The following CAST variants were observed in gnomAD, a reference collection of about 807,000 sequenced individuals.
CAST encodes calpastatin, also known as MIR583 host.
In CAST, 76 loss-of-function variants were observed where a neutral mutation model predicts 119.6. The ratio of observed to expected loss-of-function variants is 0.64; its 90% CI spans 0.53 to 0.77. The LOEUF (loss-of-function observed/expected upper bound fraction) is 0.77, where lower values mean the gene tolerates loss of function less well. CAST is among the 30% of genes least tolerant of loss of function. CAST has a pLI of 0.00. For missense variants in CAST, 953 were observed against 946.5 expected, an observed-to-expected ratio of 1.01 and a Z score of -0.09; for synonymous variants, 319 against 331.6, an observed-to-expected ratio of 0.96 and a Z score of 0.41.
the CAST span, among the ~76,000 whole-genome samples, chr5:96,375,093 A>C: frequency 6.6e-6 from 1 of 152,222 alleles, no homozygotes; most frequent in Non-Finnish European, 1.5e-5. Flanking sequence ...TTTTCAACTA[A>C]GAGTCTTAAC....
chr5:96,031,686 T>C, the CAST span, among the ~76,000 whole-genome samples: 1 of 152,170 alleles, frequency 6.6e-6, no homozygotes, highest in South Asian at 2.1e-4. Flanking sequence ...TCTATATCAA[T>C]GTAAATAACA....
In CAST at chr5:96,741,310, C is replaced by T. The variant is rs191204602; in HGVS notation, c.963C>T (p.Asp321=). ...PDDAIDALSS[D]FTCGSPTAAG... ...ATGCTATAGACGCCTTGTCATCTGA[C>T]TTCACCTGTGGGTCGCCTACAGCTG... The change falls in exon 14 of 32, where the codon GAC becomes GAT. Residue 321 remains aspartate (D), a synonymous_variant. Transcript: ENST00000675179. 672 of 1,613,500 alleles carry T rather than the reference C, an allele frequency of 4.2e-4. 9 individuals are homozygous for T. The Middle Eastern group carries it at 6.3e-3, about 15-fold the overall frequency.
intron 16 of CAST, among the ~76,000 whole-genome samples, chr5:96,745,895 C>T (rs1377520493): frequency 2.6e-5 from 4 of 152,204 alleles, no homozygotes; most frequent in Non-Finnish European, 4.4e-5. Flanking sequence ...ACAGCTGCCT[C>T]GTTGAGTAAG....
chr5:96,075,426 A>G, the CAST span, among the ~76,000 whole-genome samples: 1 of 152,172 alleles, frequency 6.6e-6, no homozygotes, highest in Non-Finnish European at 1.5e-5. Flanking sequence ...CTCTTGTCTT[A>G]CAGATGAGGA....
the CAST span, among the ~76,000 whole-genome samples, chr5:96,192,820 T>C: frequency 6.6e-6 from 1 of 152,196 alleles, no homozygotes; most frequent in Non-Finnish European, 1.5e-5. Context: ...ACAAGACCAG[T>C]GGCATATTCC....
chr5:96,630,517 T>G (rs1018349264), intron 1 of CAST, among the ~76,000 whole-genome samples: 55 of 152,190 alleles, frequency 3.6e-4, no homozygotes. Flanking sequence ...CCAGGTGCGG[T>G]GGCTCATACC....
intron 1 of CAST, among the ~76,000 whole-genome samples, chr5:96,560,510 G>GA (rs1202466847): frequency 6.6e-6 from 1 of 151,848 alleles, no homozygotes; most frequent in East Asian, 1.9e-4. Context: ...AAATTTACAA[G>GA]AAAAAACAAC....
chr5:96,230,007 AG>A, the CAST span, among the ~76,000 whole-genome samples: 2 of 152,162 alleles, frequency 1.3e-5, no homozygotes, highest in Non-Finnish European at 1.5e-5. Flanking sequence ...GAGAGGTGTC[AG>A]GGATAGTGAC....
chr5:96,515,578 G>A, the CAST span, among the ~76,000 whole-genome samples: 4 of 152,066 alleles, frequency 2.6e-5, no homozygotes, highest in African/African-American at 7.2e-5. Flanking sequence ...CTCAGTGCCA[G>A]TAATATTTCT....
At chr5:96,680,342 G>T in intron 2 of CAST, among the ~76,000 whole-genome samples, 1 of 83,874 alleles carries the variant, frequency 1.2e-5, no homozygotes, top group Non-Finnish European at 1.9e-5. Context: ...GCAACAGAAC[G>T]AGACTCTGTC....
intron 1 of CAST, chr5:96,663,084 C>G (rs980327181): frequency 2.8e-6 from 2 of 701,882 alleles, no homozygotes; most frequent in Non-Finnish European, 5.2e-6. Context: ...CGCAACACCC[C>G]GCGCCCTCGC....
At chr5:95,967,859 G>C in the CAST span, among the ~76,000 whole-genome samples, 59 of 152,294 alleles carry the variant, frequency 3.9e-4, no homozygotes, top group African/African-American at 1.4e-3. Flanking sequence ...TATTCTTGAT[G>C]GGGTTTTGAA....
intron 2 of CAST, among the ~76,000 whole-genome samples, chr5:96,694,935 G>T (rs563299888): frequency 6.6e-6 from 1 of 152,042 alleles, no homozygotes; most frequent in Non-Finnish European, 1.5e-5. Context: ...ACTTTTCTTC[G>T]TATAAAATAT....
intron 1 of CAST, among the ~76,000 whole-genome samples, chr5:96,554,441 C>A (rs1746194136): frequency 6.6e-6 from 1 of 152,138 alleles, no homozygotes; most frequent in Non-Finnish European, 1.5e-5. Context: ...AGACGTAGGA[C>A]CATAAAAATC....
chr5:96,504,059 T>C, the CAST span, among the ~76,000 whole-genome samples: 2 of 152,188 alleles, frequency 1.3e-5, no homozygotes, highest in African/African-American at 4.8e-5. Flanking sequence ...AAATGCCACC[T>C]TGACCATTGT....
At chr5:96,414,023 T>C in the CAST span, among the ~76,000 whole-genome samples, 5,706 of 137,522 alleles carry the variant, frequency 0.041, 333 homozygotes, top group African/African-American at 0.14. Flanking sequence ...CCTGTAGTCC[T>C]AGCTACTCAG....
At chr5:96,484,931 A>G in the CAST span, among the ~76,000 whole-genome samples, 1 of 152,174 alleles carries the variant, frequency 6.6e-6, no homozygotes, top group Non-Finnish European at 1.5e-5. Flanking sequence ...CACTCCCATC[A>G]ATAGCTACAC....
the CAST span, among the ~76,000 whole-genome samples, chr5:96,074,101 C>A: frequency 0.014 from 2,100 of 152,220 alleles, 22 homozygotes; most frequent in Non-Finnish European, 0.021. Context: ...GGAACTAATT[C>A]TTTCTAGTGA....
intron 1 of CAST, among the ~76,000 whole-genome samples, chr5:96,583,837 T>A (rs750305833): frequency 6.6e-6 from 1 of 152,190 alleles, no homozygotes; most frequent in Non-Finnish European, 1.5e-5. Flanking sequence ...AGCTGTCCAC[T>A]AGTGAGAACC....
Sources: gnomAD v4.1 joint callset for allele counts (sites outside exome capture counted in the v4.1 genomes callset) on GRCh38, gnomAD v4.1.1 for gene constraint, MANE v1.5 for transcripts, NCBI Gene and HGNC (gene_info 2026-07-23, HGNC 2026-07-21) for gene names.